PDE9A: variants seen among roughly 807,000 people sequenced by gnomAD.
PDE9A encodes the protein high affinity cGMP-specific 3',5'-cyclic phosphodiesterase 9A.
PDE9A carries 60 observed loss-of-function variants against 87.4 expected under a neutral mutation model. That is an observed-to-expected ratio of 0.69 (90% CI 0.56 to 0.85). The LOEUF is 0.85. Among genes scored for constraint, PDE9A ranks in the 40% least tolerant of loss-of-function variants. PDE9A has a pLI of 0.00. For synonymous variants in PDE9A, 272 were observed against 279.4 expected (o/e 0.97, Z 0.27); for missense variants, 665 against 779.0 (o/e 0.85, Z 1.74).
At chr21:42,736,916 A>T (rs1158888222) in intron 7 of PDE9A, among the ~76,000 whole-genome samples, 3 of 152,218 alleles carry the variant, frequency 2.0e-5, no homozygotes, top group Non-Finnish European at 4.4e-5. Context: ...GGTGGCCAGG[A>T]TGCTGCACCT....
chr21:42,719,077 T>G (rs1461454143), intron 4 of PDE9A, among the ~76,000 whole-genome samples: 1 of 151,724 alleles, frequency 6.6e-6, no homozygotes, highest in Non-Finnish European at 1.5e-5. Flanking sequence ...AACTCCAAAC[T>G]TTGTCTCCTC....
chr21:42,740,278 T>C (rs1484157253), intron 7 of PDE9A, among the ~76,000 whole-genome samples: 1 of 151,892 alleles, frequency 6.6e-6, no homozygotes, highest in Non-Finnish European at 1.5e-5. Flanking sequence ...ACCCCATCTC[T>C]ACAAAAAATA....
At chr21:42,672,282 G>C (rs971847984) in intron 1 of PDE9A, among the ~76,000 whole-genome samples, 2 of 151,154 alleles carry the variant, frequency 1.3e-5, no homozygotes, top group Non-Finnish European at 3.0e-5. Flanking sequence ...TGAGGGCCTG[G>C]AGCAGGGCCA....
intron 4 of PDE9A, chr21:42,700,613 G>C (rs1034011145): frequency 3.3e-5 from 5 of 152,144 alleles, no homozygotes; most frequent in Middle Eastern, 3.2e-3. Context: ...CTCCTTCCCT[G>C]CTCTTCTTTG....
At chr21:42,653,912 T>G in intron 1 of PDE9A, 29 bp downstream of exon 1, 1 of 1,296,982 alleles carries the variant, frequency 7.7e-7, no homozygotes, top group Non-Finnish European at 1.1e-6. Context: ...AGACACCCCC[T>G]CCTCCCCCCG....
At chr21:42,662,805 C>G (rs1358135836) in intron 1 of PDE9A, among the ~76,000 whole-genome samples, 1 of 139,510 alleles carries the variant, frequency 7.2e-6, no homozygotes, top group Non-Finnish European at 1.5e-5. Context: ...CACACACACA[C>G]CACACACACG....
intron 10 of PDE9A, 81 bp downstream of exon 10, chr21:42,754,145 C>G (rs1036788477): frequency 1.5e-5 from 11 of 746,728 alleles, no homozygotes; most frequent in Non-Finnish European, 2.3e-5. Context: ...ACCCCCATCG[C>G]TCTTCCTCCT....
intron 1 of PDE9A, among the ~76,000 whole-genome samples, chr21:42,676,645 A>G (rs2058858192): frequency 6.6e-6 from 1 of 152,138 alleles, no homozygotes; most frequent in Non-Finnish European, 1.5e-5. Flanking sequence ...GGCCGACCCC[A>G]GTTTAGCACT....
chr21:42,667,574 A>C (rs750558207), intron 1 of PDE9A, among the ~76,000 whole-genome samples: 4 of 152,158 alleles, frequency 2.6e-5, no homozygotes, highest in Non-Finnish European at 5.9e-5. Context: ...GAATGAAAGC[A>C]CTTGGCCTGC....
At chr21:42,698,088 G>A (rs1358541665) in intron 3 of PDE9A, among the ~76,000 whole-genome samples, 1 of 152,212 alleles carries the variant, frequency 6.6e-6, no homozygotes, top group Non-Finnish European at 1.5e-5. Flanking sequence ...CTCCCTGTGT[G>A]CTTGTGTTTC....
In PDE9A at chr21:42,765,320, C is replaced by T. The variant is rs2056288915; in HGVS notation, c.1243-61C>T. 7 of 900,226 alleles carry T rather than the reference C, an allele frequency of 7.8e-6. No individual in the cohort carries two copies. In the Admixed American group the frequency reaches 1.4e-4, roughly 18 times the overall value. The allele number at this position is 900,226 out of a possible 1,614,324, so 55.8% of individuals were successfully genotyped here. A position where few individuals can be genotyped will look rare whatever the true frequency, so the allele number is the denominator to read the frequency against. On this transcript the variant is annotated intron_variant, in intron 14 of 19. Transcript: ENST00000291539. Reference sequence around the variant, plus strand: ...TGCAGGGGGCTCAGTACACAGTAGGCCTCCGCTGAATAATTGTTCAGACTA... The same window carrying T: ...TGCAGGGGGCTCAGTACACAGTAGGTCTCCGCTGAATAATTGTTCAGACTA...
intron 4 of PDE9A, among the ~76,000 whole-genome samples, chr21:42,710,643 A>G (rs1569184105): frequency 6.6e-6 from 1 of 152,168 alleles, no homozygotes; most frequent in South Asian, 2.1e-4. Flanking sequence ...ACATGTTGCT[A>G]TGTCTTATTG....
chr21:42,759,230 T>G lies in PDE9A; in HGVS notation c.897+145T>G, dbSNP rs989080522. The G allele has an allele frequency of 4.2e-5, 27 of 648,494 alleles. No individual in the cohort carries two copies. The East Asian group carries it at 7.0e-4, about 17-fold the overall frequency. The allele number at this position is 648,494 out of a possible 1,614,324, so 40.2% of individuals were successfully genotyped here. A position where few individuals can be genotyped will look rare whatever the true frequency, so the allele number is the denominator to read the frequency against. On this transcript the variant is annotated intron_variant, in intron 11 of 19. Transcript: ENST00000291539. The surrounding 1 kb of genome is among the most constrained non-coding windows in gnomAD (Gnocchi z 7.2). ...AGGTGACATTTCCCCGGGAGTTCTG[T>G]GAGGACACTCAGCCTGTCTCTGTTC...
At chr21:42,656,865 G>T (rs8127353) in intron 1 of PDE9A, among the ~76,000 whole-genome samples, 4,972 of 152,302 alleles carry the variant, frequency 0.033, 240 homozygotes, top group African/African-American at 0.1. Context: ...CCTTGGGTCA[G>T]TTACTTCACT....
In PDE9A at chr21:42,765,613, G is replaced by A. The variant is rs1381123524; in HGVS notation, c.1356+119G>A. On this transcript the variant is annotated intron_variant, in intron 15 of 19. Coordinates refer to ENST00000291539, the MANE Select transcript of PDE9A (RefSeq NM_002606.3). ...ATTATTAGTCTTCTTGGAACAAGGT[G>A]TCTATAAATCTGGTTTTCAAGGTCA... The A allele has an allele frequency of 5.6e-6, 4 of 716,264 alleles. No individual in the cohort carries two copies. In the East Asian group the frequency reaches 8.1e-5, roughly 15 times the overall value. 44.4% of individuals were successfully genotyped at this position (716,264 alleles called of 1,614,324 possible).
rs117752438 is a variant in PDE9A at position 42,698,377 on chromosome 21, G to T, written c.219-591G>T. Among the ~76,000 whole-genome samples, 1,320 of 152,264 alleles carry T rather than the reference G, an allele frequency of 8.7e-3. 10 individuals carry two copies. Among genetic ancestry groups the T allele is most frequent in the Non-Finnish European group, 0.014 (977 of 68,026 alleles). On this transcript the variant is annotated intron_variant, in intron 3 of 19. Coordinates refer to ENST00000291539, the MANE Select transcript of PDE9A (RefSeq NM_002606.3). The stretch of plus-strand genomic sequence containing the variant: ...GCTCCTGGTCTATGCCTGTTCCATT[G>T]GCTGCACTGTCCTTCCCTGCCTCTT...
At position 42,748,706 on chromosome 21, in the gene PDE9A, A is replaced by G. The variant is rs565272699; in HGVS notation, c.654-2410A>G. On this transcript the variant is annotated intron_variant, in intron 8 of 19. Coordinates refer to ENST00000291539, the MANE Select transcript of PDE9A (RefSeq NM_002606.3). ...GCATAGATACCTTGTTTTGAAAAAC[A>G]ACTAAAACATGCGTTGTGTAGTCTT... Among the ~76,000 whole-genome samples the G allele has an allele frequency of 2.0e-5, 3 of 152,344 alleles. No homozygotes were observed. The East Asian group carries it at 5.8e-4, about 29-fold the overall frequency.
rs1262935705 is a variant in PDE9A at position 42,675,753 on chromosome 21, G to A, written c.70-10439G>A. ...CAGTCTCCCCTACTGGGACTGTCGT[G>A]CAAAATTATGGCCCAGTCTTACAAC... On this transcript the variant is annotated intron_variant, in intron 1 of 19. Transcript: ENST00000291539. The surrounding 1 kb of genome is among the most constrained non-coding windows in gnomAD (Gnocchi z 4.3). 3.3e-5 allele frequency among the ~76,000 whole-genome samples: 5 copies of A among 152,186 alleles called. No individual in the cohort carries two copies. The highest frequency in any genetic ancestry group is 7.3e-5 in the Non-Finnish European group (5 of 68,040).
Position 42,696,370 on chromosome 21 carries a change from C to G in PDE9A, c.219-2598C>G, listed in dbSNP as rs570959249. Among the ~76,000 whole-genome samples, 1 of 152,338 alleles carries G rather than the reference C, an allele frequency of 6.6e-6. No individual in the cohort carries two copies. Among genetic ancestry groups the G allele is most frequent in the East Asian group, 1.9e-4 (1 of 5,186 alleles). On this transcript the variant is annotated intron_variant, in intron 3 of 19. Transcript: ENST00000291539. The surrounding 1 kb of genome is among the most constrained non-coding windows in gnomAD (Gnocchi z 5.1). ...CTGCGCCTGGTCACTACCCGCCCCC[C>G]ACCTCCAGCATTAATTTTCTAGGGA...
Sources: allele counts gnomAD v4.1 joint callset (sites outside exome capture counted in the v4.1 genomes callset), GRCh38; gene constraint gnomAD v4.1.1; non-coding constraint Gnocchi (gnomAD v3.1); transcripts MANE v1.5; gene names NCBI Gene and HGNC (gene_info 2026-07-23, HGNC 2026-07-21).